Variants in FAT2 observed in about 807,000 individuals in gnomAD.
FAT2 encodes FAT atypical cadherin 2.
A neutral mutation model predicts 295.3 loss-of-function variants in FAT2; 150 were observed. The ratio of observed to expected loss-of-function variants is 0.51; its 90% CI spans 0.44 to 0.58. FAT2 has a LOEUF of 0.58. Among genes scored for constraint, FAT2 ranks in the 20% least tolerant of loss-of-function variants. The pLI is 0.00. For missense variants in FAT2, 4,868 were observed against 5,442.7 expected, an observed-to-expected ratio of 0.89 and a Z score of 3.32; for synonymous variants, 2,026 against 2,150.3, an observed-to-expected ratio of 0.94 and a Z score of 1.60.
chr5:151,572,650 C>T (rs1008864879), intron 1 of FAT2, among the ~76,000 whole-genome samples: 1 of 152,190 alleles, frequency 6.6e-6, no homozygotes, highest in African/African-American at 2.4e-5. Flanking sequence ...TACATAAGAT[C>T]GTGCACGTTA....
intron 23 of FAT2, 120 bp downstream of exon 23, chr5:151,507,034 C>T: frequency 1.2e-6 from 1 of 834,656 alleles, no homozygotes; most frequent in Non-Finnish European, 1.9e-6. Context: ...TCATCATGTC[C>T]CATCCCAAAG....
At position 151,543,678 on chromosome 5, in the gene FAT2, C is replaced by G. The variant is rs748343479; in HGVS notation, c.7449G>C (p.Gln2483His). The stretch of plus-strand genomic sequence containing the variant: ...CTGCTAATTCTGCCTCATAAAGGTG[C>G]TGCTGGAACTCTGGGCTGTACTTGT... ...NANKYSPEFQQHLYEAELAEN... is the reference protein window; with the variant it reads ...NANKYSPEFQHHLYEAELAEN... Residue 2483 changes from glutamine (Q) to histidine (H), a missense_variant, in exon 10 of 24, where the codon CAG becomes CAC. Gln to His is a conservative substitution (Grantham distance 24). Around this residue, in one of 5 missense-constraint regions of FAT2, gnomAD observed 3,297 missense variants for 3,669.4 expected, o/e 0.90. Coordinates refer to ENST00000261800, the MANE Select transcript of FAT2 (RefSeq NM_001447.3). 6.2e-7 allele frequency: 1 copy of G among 1,614,188 alleles called. No homozygotes were observed. Among genetic ancestry groups the G allele is most frequent in the Non-Finnish European group, 8.5e-7 (1 of 1,180,020 alleles).
intron 17 of FAT2, among the ~76,000 whole-genome samples, chr5:151,526,406 T>C (rs1581329519): frequency 6.6e-6 from 1 of 152,236 alleles, no homozygotes; most frequent in Non-Finnish European, 1.5e-5. Context: ...ATGTATCTGA[T>C]AAGCACACTT....
intron 1 of FAT2, among the ~76,000 whole-genome samples, chr5:151,577,622 G>T (rs1374310750): frequency 6.6e-6 from 1 of 152,204 alleles, no homozygotes; most frequent in Admixed American, 6.5e-5. Context: ...ATTTGGGCAG[G>T]GAGGTGAACA....
rs773895524 is a variant in FAT2, at chr5:151,505,746, A to G, written c.12869T>C (p.Leu4290Pro). 6.2e-7 allele frequency: 1 copy of G among 1,613,294 alleles called. No individual in the cohort carries two copies. The highest frequency in any genetic ancestry group is 8.5e-7 in the Non-Finnish European group (1 of 1,179,472). ...QFRQGGGGPC[L>P]ADGGYKGVGM... ...CACCCCCTTGTAGCCCCCGTCTGCC[A>G]GGCAGGGCCCTCCCCCTCCCTGCCG... The change falls in exon 24 of 24, where the codon CTG (leucine) becomes CCG (proline). Residue 4290 changes from leucine to proline, a missense_variant. Around this residue, in one of 5 missense-constraint regions of FAT2, gnomAD observed 492 missense variants for 482.6 expected, o/e 1.02. Transcript: ENST00000261800.
Position 151,545,229 on chromosome 5 carries a change from C to T in FAT2, c.5898G>A (p.Leu1966=), listed in dbSNP as rs901700105. Residue 1966 remains leucine (L), a synonymous_variant, in exon 10 of 24, where the codon TTG becomes TTA. Transcript: ENST00000261800. ...ISLTQVLDKS[L]QFDQDVYWAA... ...CCCAGTAGACATCCTGATCAAACTGCAAGCTTTTGTCAAGCACTTGGGTCA... is the reference window on the plus strand; with the variant it reads ...CCCAGTAGACATCCTGATCAAACTGTAAGCTTTTGTCAAGCACTTGGGTCA... 1 of 1,614,174 alleles carries T rather than the reference C, an allele frequency of 6.2e-7. No individual in the cohort carries two copies. The highest frequency in any genetic ancestry group is 8.5e-7 in the Non-Finnish European group (1 of 1,180,020).
chr5:151,540,904 T>A, intron 10 of FAT2, 141 bp from the exon 11 acceptor site: 2 of 646,822 alleles, frequency 3.1e-6, no homozygotes, highest in Admixed American at 3.4e-5. Context: ...GAACCCACGA[T>A]TCTACACTGA....
At chr5:151,560,151 GC>G (rs927860539) in intron 3 of FAT2, among the ~76,000 whole-genome samples, 2 of 152,138 alleles carry the variant, frequency 1.3e-5, no homozygotes, top group African/African-American at 4.8e-5. Context: ...TGCCCAAGCT[GC>G]CTTTCCATCT....
Position 151,540,773 on chromosome 5 carries a change from T to G in FAT2, c.8843-10A>C, listed in dbSNP as rs1756049315. The G allele has an allele frequency of 6.2e-7, 1 of 1,609,382 alleles. No homozygotes were observed. Among genetic ancestry groups the G allele is most frequent in the Non-Finnish European group, 8.5e-7 (1 of 1,176,814 alleles). On this transcript the variant is annotated splice_polypyrimidine_tract_variant and intron_variant, in intron 10 of 23. Coordinates refer to ENST00000261800, the MANE Select transcript of FAT2 (RefSeq NM_001447.3). ...CCCAGGGGGTCTCCCTCTAAACAGATGGGGCAGAGCTTTCAGAAGCCAAGC... is the reference window on the plus strand; with the variant it reads ...CCCAGGGGGTCTCCCTCTAAACAGAGGGGGCAGAGCTTTCAGAAGCCAAGC...
rs75405302 is a variant in FAT2, at chr5:151,527,694, T to A, written c.10164+302A>T. Among the ~76,000 whole-genome samples the A allele has an allele frequency of 6.4e-3, 968 of 152,220 alleles. 10 individuals carry two copies. Among genetic ancestry groups the A allele is most frequent in the African/African-American group, 0.022 (912 of 41,542 alleles). ...AATCCTTATAAAACATTTAGGAAAG[T>A]GTCTGGCACACAGTGGGTGCTCAAA... On this transcript the variant is annotated intron_variant, in intron 16 of 23. Coordinates refer to ENST00000261800, the MANE Select transcript of FAT2 (RefSeq NM_001447.3).
At chr5:151,523,752 C>T (rs1429780006) in intron 18 of FAT2, among the ~76,000 whole-genome samples, 2 of 152,164 alleles carry the variant, frequency 1.3e-5, no homozygotes, top group Non-Finnish European at 2.9e-5. Context: ...GCTGCCAACT[C>T]CAATTCCCAG....
chr5:151,578,389 T>C (rs1355004535), intron 1 of FAT2, among the ~76,000 whole-genome samples: 1 of 152,210 alleles, frequency 6.6e-6, no homozygotes, highest in African/African-American at 2.4e-5. Context: ...CCTATGTTTT[T>C]CTTCACCTTT....
In FAT2 at chr5:151,568,564, T is replaced by C. The variant is rs1460666658; in HGVS notation, c.368A>G (p.Glu123Gly). Residue 123 changes from glutamate (E) to glycine (G), a missense_variant, in exon 2 of 24, where the codon GAG becomes GGG. Glu to Gly is a moderately conservative substitution (Grantham distance 98). This residue lies in a region of FAT2 where 3,297 missense variants were observed against 3,669.4 expected (regional missense o/e 0.90). Transcript: ENST00000261800. ...DSYTLIIQAT[E>G]KTLELEALTR... ...CAAAGCTTCCAACTCCAAGGTCTTC[T>C]CTGTGGCTTGGATGATGAGGGTGTA... 8 of 1,614,044 alleles carry C rather than the reference T, an allele frequency of 5.0e-6. No homozygotes were observed. The highest frequency in any genetic ancestry group is 6.8e-6 in the Non-Finnish European group (8 of 1,180,042).
At chr5:151,592,586 T>C (rs1489125538), upstream of FAT2, among the ~76,000 whole-genome samples, 1 of 152,248 alleles carries the variant, frequency 6.6e-6, no homozygotes, top group Non-Finnish European at 1.5e-5. Flanking sequence ...GCAGCAACTC[T>C]TCCACCTGGT....
chr5:151,556,245 C>T, intron 4 of FAT2, 99 bp downstream of exon 4: 1 of 1,009,224 alleles, frequency 9.9e-7, no homozygotes, highest in Non-Finnish European at 1.6e-6. Context: ...CCTCCCTGAA[C>T]CCAGACCCTC....
chr5:151,515,837 A>G (rs1752811285), intron 20 of FAT2, among the ~76,000 whole-genome samples: 1 of 152,218 alleles, frequency 6.6e-6, no homozygotes, highest in Admixed American at 6.5e-5. Flanking sequence ...CAAAGAAGCC[A>G]TGATGACCCT....
At chr5:151,540,811 C>G (rs1423471783) in intron 10 of FAT2, 48 bp from the exon 11 acceptor site, 3 of 1,539,616 alleles carry the variant, frequency 1.9e-6, no homozygotes, top group Non-Finnish European at 2.7e-6. Flanking sequence ...TAGGAATGAA[C>G]TAGGCTTTGT....
chr5:151,540,742 A>C lies in FAT2; in HGVS notation c.8864T>G (p.Phe2955Cys). Residue 2955 changes from phenylalanine (F) to cysteine (C), a missense_variant, in exon 11 of 24, where the codon TTT becomes TGT. Physicochemically the swap from Phe to Cys is radical, Grantham distance 205 (BLOSUM62 -2). Transcript: ENST00000261800. The stretch of plus-strand genomic sequence containing the variant: ...CTCATCTCCAACTTGGCTGATGCCA[A>C]ACTGGCCCAGGGGGTCTCCCTCTAA... ...YITEGDPLGQ[F>C]GISQVGDEWR... is the part of the protein sequence containing the mutation. 6.2e-7 allele frequency: 1 copy of C among 1,613,960 alleles called. No homozygotes were observed. Among genetic ancestry groups the C allele is most frequent in the Non-Finnish European group, 8.5e-7 (1 of 1,179,962 alleles).
intron 9 of FAT2, among the ~76,000 whole-genome samples, chr5:151,547,246 G>A (rs1283450413): frequency 1.3e-5 from 2 of 152,192 alleles, no homozygotes; most frequent in Non-Finnish European, 1.5e-5. Context: ...GTCTGAGCCT[G>A]TGAGCTATCC....
Sources: allele counts gnomAD v4.1 joint callset (sites outside exome capture counted in the v4.1 genomes callset), GRCh38; gene constraint gnomAD v4.1.1; regional missense constraint gnomAD v4.1.1; transcripts MANE v1.5; gene names NCBI Gene and HGNC (gene_info 2026-07-23, HGNC 2026-07-21).